NAALADL2: variants seen among roughly 807,000 people sequenced by gnomAD.
NAALADL2 encodes the protein N-acetylated alpha-linked acidic dipeptidase like 2, also known as inactive N-acetylated-alpha-linked acidic dipeptidase-like protein 2.
Under a neutral mutation model 87.2 loss-of-function variants are expected in NAALADL2, and 76 were observed. The observed-to-expected ratio is 0.87, with a 90% CI of 0.72 to 1.05. The LOEUF (loss-of-function observed/expected upper bound fraction) is 1.05, where lower values mean the gene tolerates loss of function less well. Ranked by LOEUF, NAALADL2 falls within the 50% of genes least tolerant of loss-of-function variation. The pLI, the probability that NAALADL2 is intolerant of heterozygous loss-of-function variation, is 0.00. For synonymous variants in NAALADL2, 354 were observed against 331.0 expected (o/e 1.07, Z -0.75); for missense variants, 1,089 against 945.8 (o/e 1.15, Z -1.99).
intron 5 of NAALADL2, among the ~76,000 whole-genome samples, chr3:175,400,268 G>A (rs1284394170): frequency 1.3e-5 from 2 of 152,074 alleles, no homozygotes; most frequent in Non-Finnish European, 2.9e-5. Context: ...TGATTTTTAA[G>A]GTATTACTGT....
At chr3:175,313,150 T>C (rs1053395316) in intron 4 of NAALADL2, among the ~76,000 whole-genome samples, 1 of 152,160 alleles carries the variant, frequency 6.6e-6, no homozygotes, top group Non-Finnish European at 1.5e-5. Flanking sequence ...CTTTTGCTTC[T>C]GAGTACCTGA....
chr3:175,049,526 C>A (rs1305188930), intron 1 of NAALADL2, among the ~76,000 whole-genome samples: 1 of 152,172 alleles, frequency 6.6e-6, no homozygotes, highest in Non-Finnish European at 1.5e-5. Flanking sequence ...CCAATGCTAT[C>A]GTCAGGACTC....
intron 10 of NAALADL2, among the ~76,000 whole-genome samples, chr3:175,583,190 A>T (rs1318818298): frequency 6.6e-6 from 1 of 152,186 alleles, no homozygotes; most frequent in African/African-American, 2.4e-5. Context: ...TTTGTGATAC[A>T]TTATTGATCC....
At chr3:174,672,954 G>T (rs1726708160) in intron 2 of NAALADL2, among the ~76,000 whole-genome samples, 1 of 151,792 alleles carries the variant, frequency 6.6e-6, no homozygotes. Context: ...ACTGTCGTGG[G>T]GTTGTACACA....
intron 10 of NAALADL2, among the ~76,000 whole-genome samples, chr3:175,593,145 T>C (rs1721761006): frequency 6.6e-6 from 1 of 152,104 alleles, no homozygotes; most frequent in Non-Finnish European, 1.5e-5. Context: ...TAGCTCTTTA[T>C]CCTGATGCTC....
rs553097413 is a variant in NAALADL2, at chr3:175,052,379, G to A, written c.44-44411G>A. 4.6e-5 allele frequency among the ~76,000 whole-genome samples: 7 copies of A among 152,314 alleles called. No homozygotes were observed. In the East Asian group the frequency reaches 1.4e-3, roughly 29 times the overall value. ...TGGGGCCAGTTTATGGCCAGATTTT[G>A]TGGGGGGGCCTGTTTCCCAACATGT... On this transcript the variant is annotated intron_variant, in intron 1 of 13. Coordinates refer to ENST00000454872, the MANE Select transcript of NAALADL2 (RefSeq NM_207015.3).
chr3:175,324,042 AAG>A (rs375867781), intron 4 of NAALADL2, 131 bp from the exon 5 acceptor site: 6,170 of 504,678 alleles, frequency 0.012, 33 homozygotes, highest in Middle Eastern at 0.02. Flanking sequence ...AAAAAAAAAA[AAG>A]AAAAAGAAAA....
At chr3:175,159,932 C>G (rs939395543) in intron 2 of NAALADL2, among the ~76,000 whole-genome samples, 12 of 151,136 alleles carry the variant, frequency 7.9e-5, no homozygotes, top group African/African-American at 2.9e-4. Flanking sequence ...TGCCTCCCAG[C>G]TTCAAGCAAT....
chr3:175,477,145 C>T (rs949874744), intron 9 of NAALADL2, among the ~76,000 whole-genome samples: 4 of 152,202 alleles, frequency 2.6e-5, no homozygotes, highest in African/African-American at 9.6e-5. Flanking sequence ...TGCTGAGAAA[C>T]AAACAGCAGA....
At chr3:174,763,426 A>G (rs1713312912) in intron 3 of NAALADL2, among the ~76,000 whole-genome samples, 1 of 151,506 alleles carries the variant, frequency 6.6e-6, no homozygotes, top group Non-Finnish European at 1.5e-5. Context: ...GTCTCTACTA[A>G]AAATACAAAA....
intron 5 of NAALADL2, among the ~76,000 whole-genome samples, chr3:175,440,042 C>T (rs772916535): frequency 2.6e-5 from 4 of 151,918 alleles, no homozygotes; most frequent in Non-Finnish European, 5.9e-5. Context: ...TAATTTGGTT[C>T]GTCTTGAGTT....
intron 3 of NAALADL2, among the ~76,000 whole-genome samples, chr3:174,814,545 T>A (rs188239598): frequency 6.6e-6 from 1 of 152,282 alleles, no homozygotes; most frequent in East Asian, 1.9e-4. Flanking sequence ...CTACTATGTG[T>A]GTACCTTGTG....
intron 9 of NAALADL2, among the ~76,000 whole-genome samples, chr3:175,518,413 T>C (rs555664165): frequency 4.0e-4 from 61 of 152,356 alleles, no homozygotes; most frequent in African/African-American, 1.3e-3. Context: ...TCTTTACTCT[T>C]ATAGCATGTC....
intron 2 of NAALADL2, among the ~76,000 whole-genome samples, chr3:175,224,887 AGG>A (rs1238045125): frequency 6.6e-6 from 1 of 152,188 alleles, no homozygotes; most frequent in Admixed American, 6.6e-5. Context: ...TTACTTCCAA[AGG>A]CCAGCCATCT....
intron 5 of NAALADL2, among the ~76,000 whole-genome samples, chr3:175,336,483 T>G (rs1761981636): frequency 6.6e-6 from 1 of 152,162 alleles, no homozygotes; most frequent in Non-Finnish European, 1.5e-5. Flanking sequence ...ATGTATGGTT[T>G]GTACCTCAGC....
intron 6 of NAALADL2, among the ~76,000 whole-genome samples, chr3:175,458,220 A>G (rs1357739971): frequency 1.3e-5 from 2 of 152,044 alleles, no homozygotes; most frequent in Non-Finnish European, 2.9e-5. Flanking sequence ...GGATTCATCT[A>G]TTGCTATTGA....
chr3:175,537,845 T>A (rs936911717), intron 9 of NAALADL2, among the ~76,000 whole-genome samples: 1 of 152,138 alleles, frequency 6.6e-6, no homozygotes, highest in Admixed American at 6.5e-5. Flanking sequence ...GGGAAGAAAA[T>A]GCTAGTGGTA....
intron 2 of NAALADL2, among the ~76,000 whole-genome samples, chr3:175,140,332 A>T (rs1021672100): frequency 6.6e-6 from 1 of 152,116 alleles, no homozygotes; most frequent in Non-Finnish European, 1.5e-5. Context: ...GGGACTAGAA[A>T]ATGTACTATA....
intron 11 of NAALADL2, among the ~76,000 whole-genome samples, chr3:175,723,994 A>G (rs977683434): frequency 1.3e-5 from 2 of 152,092 alleles, no homozygotes; most frequent in Non-Finnish European, 2.9e-5. Context: ...GACGTTTCAT[A>G]TGTTCTTTCT....
Sources: allele counts gnomAD v4.1 joint callset (sites outside exome capture counted in the v4.1 genomes callset), GRCh38; gene constraint gnomAD v4.1.1; transcripts MANE v1.5; gene names NCBI Gene and HGNC (gene_info 2026-07-23, HGNC 2026-07-21).